The following ROR2 variants were observed in gnomAD, a reference collection of about 807,000 sequenced individuals.
ROR2 encodes the protein ROR family WNT receptor 2.
ROR2 carries 33 observed loss-of-function variants against 74.9 expected under a neutral mutation model. The observed-to-expected ratio is 0.44, with a 90% confidence interval of 0.33 to 0.59. The LOEUF is 0.59. Ranked by LOEUF, ROR2 falls within the 20% of genes least tolerant of loss-of-function variation. The pLI, the probability that ROR2 is intolerant of heterozygous loss-of-function variation, is 0.02. For synonymous variants in ROR2, 586 were observed against 558.7 expected, an observed-to-expected ratio of 1.05 and a Z score of -0.69; for missense variants, 1,216 against 1,313.8, an observed-to-expected ratio of 0.93 and a Z score of 1.15.
At chr9:91,926,451 C>G (rs1347548916) in intron 1 of ROR2, among the ~76,000 whole-genome samples, 1 of 148,680 alleles carries the variant, frequency 6.7e-6, no homozygotes, top group Non-Finnish European at 1.5e-5. Context: ...GAGGCTGAAG[C>G]TGGAGAATTG....
At chr9:91,734,631 C>A (rs1004619697) in intron 5 of ROR2, among the ~76,000 whole-genome samples, 2 of 152,174 alleles carry the variant, frequency 1.3e-5, no homozygotes, top group African/African-American at 2.4e-5. Context: ...TGTGTGGGAA[C>A]AGCCTTGTGC....
chr9:91,943,658 TC>T (rs201264113), intron 1 of ROR2, among the ~76,000 whole-genome samples: 483 of 152,326 alleles, frequency 3.2e-3, no homozygotes, highest in African/African-American at 0.01. Context: ...TTGTTGTTTC[TC>T]CTGTAGGCTG....
At chr9:91,921,569 T>C (rs1366835937) in intron 1 of ROR2, among the ~76,000 whole-genome samples, 2 of 152,138 alleles carry the variant, frequency 1.3e-5, no homozygotes, top group African/African-American at 2.4e-5. Context: ...TTTAGTCTTT[T>C]AAAAGTAAAT....
chr9:91,925,121 G>A (rs1474896092), intron 1 of ROR2, among the ~76,000 whole-genome samples: 2 of 152,092 alleles, frequency 1.3e-5, no homozygotes, highest in African/African-American at 4.8e-5. Context: ...CCAAAGTGCT[G>A]AGATTACAGG....
intron 2 of ROR2, among the ~76,000 whole-genome samples, chr9:91,771,691 T>A (rs1826231149): frequency 6.6e-6 from 1 of 150,946 alleles, no homozygotes; most frequent in Non-Finnish European, 1.5e-5. Flanking sequence ...AGAATCTCTC[T>A]CTCTGTCTCT....
At chr9:91,737,571 C>A in intron 4 of ROR2, 53 bp from the exon 5 acceptor site, 2 of 1,613,332 alleles carry the variant, frequency 1.2e-6, no homozygotes, top group South Asian at 2.2e-5. Context: ...CCAGGTCCCG[C>A]CAATGACTTC....
At position 91,769,204 on chromosome 9, in the gene ROR2, G is replaced by A. The variant is rs115056266; in HGVS notation, c.175+6537C>T. ...CCATGTCATCCTGGAGCTTCTCTTT[G>A]CGCCCACAAAATGTACCCCTAGCAA... On this transcript the variant is annotated intron_variant, in intron 2 of 8. Transcript: ENST00000375708. 6.5e-3 allele frequency among the ~76,000 whole-genome samples: 987 copies of A among 152,096 alleles called. 10 individuals carry two copies. Among genetic ancestry groups the A allele is most frequent in the African/African-American group, 0.022 (927 of 41,486 alleles).
At chr9:91,815,049 G>A (rs1827884083) in intron 1 of ROR2, among the ~76,000 whole-genome samples, 1 of 152,114 alleles carries the variant, frequency 6.6e-6, no homozygotes, top group Admixed American at 6.5e-5. Flanking sequence ...TCAGAAAACA[G>A]GACACAGAAA....
chr9:91,778,319 A>C (rs571374423), intron 1 of ROR2, among the ~76,000 whole-genome samples: 13 of 152,314 alleles, frequency 8.5e-5, no homozygotes, highest in Admixed American at 7.8e-4. Flanking sequence ...CAACCTCACA[A>C]CACCACAACT....
chr9:91,936,840 C>T (rs1295751214), intron 1 of ROR2, among the ~76,000 whole-genome samples: 1 of 151,376 alleles, frequency 6.6e-6, no homozygotes, highest in Non-Finnish European at 1.5e-5. Flanking sequence ...ACCATCCCGG[C>T]TAAAACGGTG....
At chr9:91,868,506 C>T (rs1190544393) in intron 1 of ROR2, among the ~76,000 whole-genome samples, 9 of 152,148 alleles carry the variant, frequency 5.9e-5, no homozygotes, top group African/African-American at 2.2e-4. Context: ...AATAAATCTA[C>T]ATCCAAACAC....
intron 1 of ROR2, among the ~76,000 whole-genome samples, chr9:91,827,300 G>C (rs1214895097): frequency 2.6e-5 from 4 of 151,812 alleles, no homozygotes; most frequent in Non-Finnish European, 5.9e-5. Flanking sequence ...ACATTTTGAA[G>C]GTTTTGCTAT....
At chr9:91,806,741 C>T (rs1252619949) in intron 1 of ROR2, among the ~76,000 whole-genome samples, 2 of 152,162 alleles carry the variant, frequency 1.3e-5, no homozygotes, top group Non-Finnish European at 2.9e-5. Flanking sequence ...AGGCACCCAC[C>T]ACCACACCCG....
intron 1 of ROR2, among the ~76,000 whole-genome samples, chr9:91,810,130 G>A (rs1827697225): frequency 6.6e-6 from 1 of 152,250 alleles, no homozygotes; most frequent in African/African-American, 2.4e-5. Flanking sequence ...GCCAGCACCA[G>A]CAACCCTGGG....
chr9:91,944,660 A>G (rs1831966160), intron 1 of ROR2, among the ~76,000 whole-genome samples: 1 of 152,248 alleles, frequency 6.6e-6, no homozygotes. Context: ...TTAACTTAAG[A>G]GGCAAAAGAC....
chr9:91,792,929 A>C (rs1470916391), intron 1 of ROR2, among the ~76,000 whole-genome samples: 1 of 152,090 alleles, frequency 6.6e-6, no homozygotes, highest in African/African-American at 2.4e-5. Context: ...AAACCAAAAA[A>C]CCCTTCCCAG....
intron 4 of ROR2, among the ~76,000 whole-genome samples, chr9:91,751,544 CA>C (rs1364383840): frequency 1.3e-5 from 2 of 152,138 alleles, no homozygotes; most frequent in Non-Finnish European, 2.9e-5. Flanking sequence ...AAAAACCCCA[CA>C]AAAACCTATA....
rs150754677 is a variant in ROR2 at position 91,733,051 on chromosome 9, C to T, written c.937+71G>A. ...GGGGCTCCCTGGGCTTCACCGACAC[C>T]CCCATACACATTTCAAGGGCCCTAC... On this transcript the variant is annotated intron_variant, in intron 6 of 8. Transcript: ENST00000375708. This position sits in a 1 kb window ranked among gnomAD's most constrained non-coding sequence, Gnocchi z 5.7. 5.4e-4 allele frequency: 768 copies of T among 1,433,136 alleles called. 11 individuals are homozygous for T. The East Asian group carries it at 0.015, about 28-fold the overall frequency. The allele number at this position is 1,433,136 out of a possible 1,614,324, so 88.8% of individuals were successfully genotyped here.
intron 2 of ROR2, among the ~76,000 whole-genome samples, chr9:91,767,457 C>T (rs1436916172): frequency 1.3e-5 from 2 of 152,166 alleles, no homozygotes; most frequent in African/African-American, 2.4e-5. Flanking sequence ...CTGCTTTTAC[C>T]AGGTCACACT....
Sources: gnomAD v4.1 joint callset for allele counts (sites outside exome capture counted in the v4.1 genomes callset) on GRCh38, gnomAD v4.1.1 for gene constraint, Gnocchi (gnomAD v3.1) non-coding constraint, MANE v1.5 for transcripts, NCBI Gene and HGNC (gene_info 2026-07-23, HGNC 2026-07-21) for gene names.